Variants in ACTR3C observed in about 807,000 individuals in gnomAD.
ACTR3C encodes the protein actin related protein 3C.
ACTR3C carries 18 observed loss-of-function variants against 26.3 expected under a neutral mutation model. That is an observed-to-expected ratio of 0.68 (90% CI 0.47 to 1.01). The LOEUF (loss-of-function observed/expected upper bound fraction) is 1.01, where lower values mean the gene tolerates loss of function less well. Among genes scored for constraint, ACTR3C ranks in the 50% least tolerant of loss-of-function variants. ACTR3C has a pLI of 0.00. For missense variants in ACTR3C, 184 were observed against 250.7 expected, an observed-to-expected ratio of 0.73 and a Z score of 1.80; for synonymous variants, 55 against 94.5, an observed-to-expected ratio of 0.58 and a Z score of 2.42.
At chr7:150,029,123 C>T in the ACTR3C span, among the ~76,000 whole-genome samples, 2 of 151,942 alleles carry the variant, frequency 1.3e-5, no homozygotes, top group Non-Finnish European at 2.9e-5. Context: ...ATTGCTGTGT[C>T]AAGCCGATGC....
intron 4 of ACTR3C, among the ~76,000 whole-genome samples, chr7:150,289,088 G>A (rs10248343): frequency 0.17 from 25,879 of 149,696 alleles, 3,045 homozygotes; most frequent in African/African-American, 0.32. Context: ...GGTTGGCAGT[G>A]TTCTGCTGCT....
At chr7:150,111,882 C>T in the ACTR3C span, among the ~76,000 whole-genome samples, 2 of 151,314 alleles carry the variant, frequency 1.3e-5, no homozygotes, top group East Asian at 2.0e-4. Flanking sequence ...GCCCCCTTCC[C>T]ACCACTCCCG....
intron 4 of ACTR3C, 35 bp downstream of exon 4, chr7:150,289,415 A>G (rs1283247673): frequency 6.5e-7 from 1 of 1,543,456 alleles, no homozygotes; most frequent in East Asian, 2.4e-5. Context: ...CATCTCTCTC[A>G]CCCCCAAACC....
the ACTR3C span, among the ~76,000 whole-genome samples, chr7:150,022,172 A>G: frequency 0.013 from 1,948 of 152,178 alleles, 65 homozygotes; most frequent in African/African-American, 0.044. Flanking sequence ...GTGCAGGAGT[A>G]AGGTGGTATT....
At chr7:150,163,710 G>A in the ACTR3C span, among the ~76,000 whole-genome samples, 438 of 152,126 alleles carry the variant, frequency 2.9e-3, 4 homozygotes, top group African/African-American at 1.0e-2. Flanking sequence ...AGACAGTGGC[G>A]TGAATCCGAG....
chr7:150,234,530 G>A, the ACTR3C span, among the ~76,000 whole-genome samples: 2 of 152,166 alleles, frequency 1.3e-5, no homozygotes, highest in African/African-American at 2.4e-5. Flanking sequence ...TTCCAAGAGT[G>A]TGACCCCAGG....
At chr7:150,078,419 T>C in the ACTR3C span, among the ~76,000 whole-genome samples, 38 of 148,930 alleles carry the variant, frequency 2.6e-4, no homozygotes, top group African/African-American at 9.5e-4. Context: ...CTCATAATAA[T>C]TTATTACTTT....
At chr7:149,922,970 C>CTTTTTTTTTTT in the ACTR3C span, among the ~76,000 whole-genome samples, 1,131 of 69,138 alleles carry the variant, frequency 0.016, 179 homozygotes, top group Non-Finnish European at 0.018. Flanking sequence ...AAATAAAAGG[C>CTTTTTTTTTTT]TTTTTTTTTT....
At chr7:150,102,019 T>A in the ACTR3C span, among the ~76,000 whole-genome samples, 1 of 151,630 alleles carries the variant, frequency 6.6e-6, no homozygotes, top group Non-Finnish European at 1.5e-5. Context: ...ATAAATACCA[T>A]GAAGAAAAAT....
At chr7:149,894,188 A>G in the ACTR3C span, among the ~76,000 whole-genome samples, 1 of 152,244 alleles carries the variant, frequency 6.6e-6, no homozygotes, top group African/African-American at 2.4e-5. Flanking sequence ...GAAACTGGAT[A>G]TCCACATGCA....
the ACTR3C span, among the ~76,000 whole-genome samples, chr7:150,166,401 A>G: frequency 3.0e-4 from 45 of 151,036 alleles, no homozygotes; most frequent in Middle Eastern, 3.4e-3. Flanking sequence ...AATATATAAT[A>G]AAGTTTCGTT....
At chr7:150,003,472 T>G in the ACTR3C span, among the ~76,000 whole-genome samples, 4 of 152,276 alleles carry the variant, frequency 2.6e-5, no homozygotes, top group African/African-American at 9.6e-5. Flanking sequence ...GTGTTGTGTG[T>G]GGTGTGTATG....
At chr7:150,216,344 T>C in the ACTR3C span, among the ~76,000 whole-genome samples, 3 of 152,178 alleles carry the variant, frequency 2.0e-5, no homozygotes, top group Non-Finnish European at 4.4e-5. Flanking sequence ...GCATACATTA[T>C]ATTCCCCTTT....
chr7:149,993,508 C>T, the ACTR3C span, among the ~76,000 whole-genome samples: 1 of 152,118 alleles, frequency 6.6e-6, no homozygotes, highest in Non-Finnish European at 1.5e-5. Context: ...AACCTAATGC[C>T]ATCAGTATGG....
rs140948707 is a variant in ACTR3C at position 150,311,830 on chromosome 7, T to G, written c.-52+11639A>C. On this transcript the variant is annotated intron_variant, in intron 1 of 7. Coordinates refer to ENST00000683684, the MANE Select transcript of ACTR3C (RefSeq NM_001164458.2). ...TCCACTACTTCCCAACAAGCGGAAC[T>G]GATTGCTTTAAACCATGCACTCTCT... 1.2e-4 allele frequency among the ~76,000 whole-genome samples: 19 copies of G among 152,340 alleles called. No individual in the cohort carries two copies. The East Asian group carries it at 3.7e-3, about 29-fold the overall frequency.
At chr7:150,251,001 G>A (rs761019170) in intron 6 of ACTR3C, among the ~76,000 whole-genome samples, 1 of 152,148 alleles carries the variant, frequency 6.6e-6, no homozygotes, top group African/African-American at 2.4e-5. Context: ...AAATATGGAC[G>A]GAATATCTAT....
the ACTR3C span, among the ~76,000 whole-genome samples, chr7:150,197,899 T>C: frequency 1.4e-5 from 2 of 141,892 alleles, no homozygotes; most frequent in African/African-American, 5.2e-5. Flanking sequence ...CTCCCTCTCA[T>C]GCGGAGCCGA....
At chr7:150,193,362 T>G in the ACTR3C span, among the ~76,000 whole-genome samples, 2 of 151,838 alleles carry the variant, frequency 1.3e-5, no homozygotes, top group Non-Finnish European at 2.9e-5. Flanking sequence ...CTTTAAAAAT[T>G]ACCAGTTTTC....
At chr7:150,104,715 T>C in the ACTR3C span, among the ~76,000 whole-genome samples, 4 of 151,954 alleles carry the variant, frequency 2.6e-5, no homozygotes, top group Non-Finnish European at 5.9e-5. Context: ...TACCAAAACC[T>C]CCACGTTTTT....
Sources: gnomAD v4.1 joint callset for allele counts (sites outside exome capture counted in the v4.1 genomes callset) on GRCh38, gnomAD v4.1.1 for gene constraint, MANE v1.5 for transcripts, NCBI Gene and HGNC (gene_info 2026-07-23, HGNC 2026-07-21) for gene names.